STK11: variants seen among roughly 807,000 people sequenced by gnomAD.
STK11 encodes serine/threonine kinase 11.
Under a neutral mutation model 47.3 loss-of-function variants are expected in STK11, and 8 were observed. The ratio of observed to expected loss-of-function variants is 0.17; its 90% CI spans 0.10 to 0.31. The LOEUF (loss-of-function observed/expected upper bound fraction) is 0.31, where lower values mean the gene tolerates loss of function less well. Ranked by LOEUF, STK11 falls within the 10% of genes least tolerant of loss-of-function variation. STK11 has a pLI of 1.00. For synonymous variants in STK11, 330 were observed against 255.8 expected (o/e 1.29, Z -2.77); for missense variants, 475 against 605.0 (o/e 0.79, Z 2.25).
rs863224360 is a variant in STK11 at position 1,226,524 on chromosome 19, C to G, written c.1179C>G (p.Asn393Lys). 3 of 1,609,432 alleles carry G rather than the reference C, an allele frequency of 1.9e-6. No homozygotes were observed. Among genetic ancestry groups the G allele is most frequent in the Non-Finnish European group, 2.5e-6 (3 of 1,178,586 alleles). ...RRGLPKAVCM[N>K]GTEAAQLSTK... ...GCCTCCCCAAGGCCGTGTGTATGAA[C>G]GGCACAGAGGCGGCGCAGCTGAGCA... Residue 393 changes from asparagine to lysine, a missense_variant, in exon 9 of 10, where the codon AAC becomes AAG. Asn to Lys is a moderately conservative substitution (Grantham distance 94, BLOSUM62 0). This residue lies in a region of STK11 where 219 missense variants were observed against 189.2 expected (regional missense o/e 1.16). Transcript: ENST00000326873.
chr19:1,216,753 A>G (rs1401455959), intron 1 of STK11, among the ~76,000 whole-genome samples: 2 of 151,364 alleles, frequency 1.3e-5, no homozygotes, highest in Non-Finnish European at 2.9e-5. Flanking sequence ...CTGTAGTCCC[A>G]GCTACTTGCG....
At chr19:1,220,082 C>T (rs1325879245) in intron 3 of STK11, 5 of 405,668 alleles carry the variant, frequency 1.2e-5, no homozygotes, top group Admixed American at 4.0e-5. Flanking sequence ...AGGGAGGGGC[C>T]TGCTGTTCCA....
In STK11 at chr19:1,221,572, T is replaced by G. The variant is rs2080784729; in HGVS notation, c.862+232T>G. ...GAACTCCCACCCCAGAGGGCAGTGC[T>G]GCCCTGCGCCTCCCCCAGCCCCACC... On this transcript the variant is annotated intron_variant, in intron 6 of 9. Transcript: ENST00000326873. 3 of 668,384 alleles carry G rather than the reference T, an allele frequency of 4.5e-6. No individual in the cohort carries two copies. In the East Asian group the frequency reaches 8.4e-5, roughly 19 times the overall value. The allele number at this position is 668,384 out of a possible 1,614,324, so 41.4% of individuals were successfully genotyped here.
chr19:1,226,495 C>G lies in STK11; in HGVS notation c.1150C>G (p.Arg384Gly), dbSNP rs752015385. The G allele has an allele frequency of 3.7e-6, 6 of 1,611,218 alleles. No homozygotes were observed. The highest frequency in any genetic ancestry group is 5.1e-6 in the Non-Finnish European group (6 of 1,179,318). Residue 384 changes from arginine (R) to glycine (G), a missense_variant, in exon 9 of 10, where the codon CGG becomes GGG. Coordinates refer to ENST00000326873, the MANE Select transcript of STK11 (RefSeq NM_000455.5). ...EEEASHNGQRRGLPKAVCMNG... is the reference protein window; with the variant it reads ...EEEASHNGQRGGLPKAVCMNG... ...GGAGGCCAGTCACAATGGACAGCGC[C>G]GGGGCCTCCCCAAGGCCGTGTGTAT...
chr19:1,211,292 A>C (rs969728255), intron 1 of STK11, among the ~76,000 whole-genome samples: 28 of 152,238 alleles, frequency 1.8e-4, no homozygotes, highest in African/African-American at 6.5e-4. Context: ...TCTCAAAAAA[A>C]CAATTAATTA....
In STK11 at chr19:1,220,359, T is replaced by C; in HGVS notation, c.465-14T>C. On this transcript the variant is annotated splice_polypyrimidine_tract_variant and intron_variant, in intron 3 of 9. Transcript: ENST00000326873. ...GGAGGCCTCGGCCCCAGGACGGGTG[T>C]GTGCTGCCCGCAGGTACTTCTGTCA... 6.3e-7 allele frequency: 1 copy of C among 1,594,086 alleles called. No individual in the cohort carries two copies. The highest frequency in any genetic ancestry group is 8.5e-7 in the Non-Finnish European group (1 of 1,170,784).
intron 5 of STK11, among the ~76,000 whole-genome samples, chr19:1,220,984 C>T (rs1025402891): frequency 1.4e-4 from 22 of 152,192 alleles, no homozygotes; most frequent in Admixed American, 6.5e-5. Flanking sequence ...GGAAGCTGGG[C>T]GGGTGACAGC....
intron 1 of STK11, among the ~76,000 whole-genome samples, chr19:1,211,470 G>C (rs985683880): frequency 6.6e-6 from 1 of 151,644 alleles, no homozygotes; most frequent in Non-Finnish European, 1.5e-5. Context: ...TGGGGGGGGG[G>C]GTGCAGGCAG....
Position 1,218,444 on chromosome 19 carries a change from G to T in STK11, c.318G>T (p.Arg106=), listed in dbSNP as rs777784520. ...KKEIQLLRRL[R]HKNVIQLVDV... is the part of the protein sequence containing the mutation. ...AAATTCAACTACTGAGGAGGTTACG[G>T]CACAAAAATGTCATCCAGCTGGTGG... The change falls in exon 2 of 10, where the codon CGG becomes CGT. Residue 106 remains arginine, a synonymous_variant. Coordinates refer to ENST00000326873, the MANE Select transcript of STK11 (RefSeq NM_000455.5). 6.2e-7 allele frequency: 1 copy of T among 1,613,640 alleles called. No homozygotes were observed. Among genetic ancestry groups the T allele is most frequent in the East Asian group, 2.2e-5 (1 of 44,874 alleles).
chr19:1,228,069 T>G lies in STK11; in HGVS notation c.*493T>G. The G allele has an allele frequency of 9.4e-7, 1 of 1,065,678 alleles. No individual in the cohort carries two copies. Among genetic ancestry groups the G allele is most frequent in the Non-Finnish European group, 1.1e-6 (1 of 879,560 alleles). 66.0% of individuals were successfully genotyped at this position (1,065,678 alleles called of 1,614,324 possible). A position where few individuals can be genotyped will look rare whatever the true frequency, so the allele number is the denominator to read the frequency against. On this transcript the variant is annotated 3_prime_UTR_variant, in exon 10 of 10. Coordinates refer to ENST00000326873, the MANE Select transcript of STK11 (RefSeq NM_000455.5). ...CCATTTTCTTTTTTTCTTTTTTTTT[T>G]TAAGAAAAAATAAAAGGTGGATTTG...
At chr19:1,223,506 G>A (rs2080800405) in intron 8 of STK11, 1 of 918,584 alleles carries the variant, frequency 1.1e-6, no homozygotes, top group Non-Finnish European at 1.4e-6. Flanking sequence ...AGGGTCGGGG[G>A]AGGGTAGGTG....
intron 3 of STK11, among the ~76,000 whole-genome samples, chr19:1,219,743 C>A (rs2080769630): frequency 6.6e-6 from 1 of 152,148 alleles, no homozygotes; most frequent in South Asian, 2.1e-4. Context: ...GACGGGGTTT[C>A]ACCGTGTTAG....
At chr19:1,219,444 G>GCGGGGGCCGGGGGC (rs58579265) in intron 3 of STK11, 31 bp downstream of exon 3, 4 of 1,304,802 alleles carry the variant, frequency 3.1e-6, no homozygotes, top group Non-Finnish European at 4.3e-6. Flanking sequence ...CCAGGGTGGG[G>GCGGGGGCCGGGGGC]CGGGGGCCGG....
Position 1,206,792 on chromosome 19 carries a change from G to A in STK11, c.-122G>A. The A allele has an allele frequency of 7.8e-7, 1 of 1,286,606 alleles. No individual in the cohort carries two copies. The highest frequency in any genetic ancestry group is 1.0e-6 in the Non-Finnish European group (1 of 960,682). 79.7% of individuals were successfully genotyped at this position (1,286,606 alleles called of 1,614,324 possible). ...TTTTTCCCTTCCTTTTGGGGTTTTT[G>A]TTGCCTTTTTTTTTTCTTTTTTCTT... On this transcript the variant is annotated 5_prime_UTR_variant, in exon 1 of 10. Transcript: ENST00000326873.
chr19:1,218,685 G>GGCCCTGA (rs1226440550), intron 2 of STK11, among the ~76,000 whole-genome samples, 185 bp downstream of exon 2: 14 of 152,052 alleles, frequency 9.2e-5, no homozygotes, highest in African/African-American at 3.4e-4. Flanking sequence ...TGCTGAAAGG[G>GGCCCTGA]GCCCTGAGCC....
chr19:1,222,224 A>C (rs1022492446), intron 7 of STK11, among the ~76,000 whole-genome samples: 7 of 152,108 alleles, frequency 4.6e-5, no homozygotes, highest in Non-Finnish European at 8.8e-5. Context: ...CTGGGGTCTG[A>C]GTGAGGACAT....
intron 9 of STK11, 124 bp from the exon 10 acceptor site, chr19:1,227,469 G>C: frequency 9.8e-7 from 1 of 1,023,770 alleles, no homozygotes; most frequent in African/African-American, 1.7e-5. Context: ...GGCCTCCCCT[G>C]CTGCCCCCCA....
At chr19:1,226,801 G>T in intron 9 of STK11, 138 bp downstream of exon 9, 1 of 1,102,480 alleles carries the variant, frequency 9.1e-7, no homozygotes, top group Non-Finnish European at 1.2e-6. Flanking sequence ...CCTTTGGGTG[G>T]CTTGGCCACG....
Position 1,224,769 on chromosome 19 carries a change from G to C in STK11, c.1108+1597G>C, listed in dbSNP as rs560408379. On this transcript the variant is annotated intron_variant, in intron 8 of 9. Coordinates refer to ENST00000326873, the MANE Select transcript of STK11 (RefSeq NM_000455.5). ...AGCCCACTGTGGGTGGTGAGGAGGA[G>C]TACCCAGCAGGGGGAAGGGCCGCCA... 1.0e-4 allele frequency: 101 copies of C among 985,654 alleles called. No homozygotes were observed. In the South Asian group the frequency reaches 3.1e-3, roughly 31 times the overall value. The allele number at this position is 985,654 out of a possible 1,614,324, so 61.1% of individuals were successfully genotyped here. A position where few individuals can be genotyped will look rare whatever the true frequency, so the allele number is the denominator to read the frequency against.
Sources: allele counts gnomAD v4.1 joint callset (sites outside exome capture counted in the v4.1 genomes callset), GRCh38; gene constraint gnomAD v4.1.1; regional missense constraint gnomAD v4.1.1; transcripts MANE v1.5; gene names NCBI Gene and HGNC (gene_info 2026-07-23, HGNC 2026-07-21).